Variants in CDH12 observed in about 807,000 individuals in gnomAD.
CDH12 encodes cadherin-12.
Under a neutral mutation model 74.1 loss-of-function variants are expected in CDH12, and 41 were observed. The observed-to-expected ratio is 0.55, with a 90% CI of 0.43 to 0.72. The LOEUF (loss-of-function observed/expected upper bound fraction) is 0.72. Among genes scored for constraint, CDH12 ranks in the 30% least tolerant of loss-of-function variants. The pLI is 0.00. For missense variants in CDH12, 945 were observed against 977.2 expected (o/e 0.97, Z 0.44); for synonymous variants, 399 against 355.0 (o/e 1.12, Z -1.39).
At chr5:22,451,927 T>C (rs1004860136) in intron 2 of CDH12, among the ~76,000 whole-genome samples, 1 of 151,918 alleles carries the variant, frequency 6.6e-6, no homozygotes, top group African/African-American at 2.4e-5. Context: ...TTTTTGAATA[T>C]TACCAGTGAA....
intron 1 of CDH12, among the ~76,000 whole-genome samples, chr5:22,608,875 CTGTGAGTCAA>C (rs556999536): frequency 9.8e-5 from 15 of 152,306 alleles, no homozygotes; most frequent in Middle Eastern, 3.4e-3. Flanking sequence ...CCACGTGGAA[CTGTGAGTCAA>C]TTAAATCTCT....
chr5:21,847,104 G>GA (rs1405523921), intron 7 of CDH12, among the ~76,000 whole-genome samples: 4 of 152,048 alleles, frequency 2.6e-5, no homozygotes, highest in Admixed American at 2.6e-4. Context: ...AGTCATCACA[G>GA]AGTGTCCACA....
chr5:22,453,702 A>G (rs531283657), intron 2 of CDH12, among the ~76,000 whole-genome samples: 4 of 152,170 alleles, frequency 2.6e-5, no homozygotes, highest in Admixed American at 2.0e-4. Flanking sequence ...AATTTACTGC[A>G]TATTTCAAAA....
At chr5:22,698,722 T>G (rs1208859013) in intron 1 of CDH12, among the ~76,000 whole-genome samples, 5,012 of 18,388 alleles carry the variant, frequency 0.27, 844 homozygotes, top group Middle Eastern at 0.46. Flanking sequence ...TATATATATA[T>G]ATATATATAT....
chr5:22,339,945 T>A (rs1457114182), intron 3 of CDH12, among the ~76,000 whole-genome samples: 3 of 152,230 alleles, frequency 2.0e-5, no homozygotes, highest in Non-Finnish European at 4.4e-5. Flanking sequence ...TGCTAATATT[T>A]TCCATATATG....
At chr5:22,213,918 TGC>T (rs559366561) in intron 3 of CDH12, among the ~76,000 whole-genome samples, 10 of 152,094 alleles carry the variant, frequency 6.6e-5, no homozygotes, top group African/African-American at 2.4e-4. Flanking sequence ...GATGTGTGTG[TGC>T]GTGTGTGTGT....
At chr5:22,050,817 C>T (rs1229518875) in intron 5 of CDH12, among the ~76,000 whole-genome samples, 2 of 152,122 alleles carry the variant, frequency 1.3e-5, no homozygotes, top group African/African-American at 2.4e-5. Flanking sequence ...GGTGAGAGTT[C>T]AACCATGATA....
intron 1 of CDH12, among the ~76,000 whole-genome samples, chr5:22,773,415 T>C (rs1473823247): frequency 6.6e-6 from 1 of 152,080 alleles, no homozygotes; most frequent in East Asian, 1.9e-4. Flanking sequence ...AAAAACTCTA[T>C]TCAATAGATG....
intron 2 of CDH12, among the ~76,000 whole-genome samples, chr5:22,490,442 G>T (rs751383075): frequency 7.9e-5 from 12 of 151,822 alleles, no homozygotes; most frequent in Admixed American, 2.6e-4. Flanking sequence ...AATCAAACCA[G>T]GAAATACCTG....
At chr5:22,503,382 G>C (rs1428467314) in intron 2 of CDH12, among the ~76,000 whole-genome samples, 1 of 152,016 alleles carries the variant, frequency 6.6e-6, no homozygotes, top group Admixed American at 6.6e-5. Context: ...ATTGATAAAA[G>C]AAAACTGTCT....
intron 5 of CDH12, among the ~76,000 whole-genome samples, chr5:21,981,466 G>A (rs1248243929): frequency 6.6e-6 from 1 of 151,904 alleles, no homozygotes; most frequent in African/African-American, 2.4e-5. Flanking sequence ...GTAGGTTGTA[G>A]ATACAAATAA....
At chr5:22,565,224 A>T (rs926529509) in intron 1 of CDH12, among the ~76,000 whole-genome samples, 2 of 152,072 alleles carry the variant, frequency 1.3e-5, no homozygotes, top group African/African-American at 4.8e-5. Flanking sequence ...ATGAGCTACC[A>T]CGCCTGGCTT....
At chr5:21,910,384 A>G (rs769262601) in intron 6 of CDH12, among the ~76,000 whole-genome samples, 1 of 152,092 alleles carries the variant, frequency 6.6e-6, no homozygotes, top group Non-Finnish European at 1.5e-5. Flanking sequence ...GTGGTGCCTC[A>G]TTTCTTAGAC....
Position 22,078,612 on chromosome 5 carries a change from G to T in CDH12, c.65C>A (p.Pro22Gln). The T allele has an allele frequency of 6.2e-7, 1 of 1,613,874 alleles. No homozygotes were observed. The highest frequency in any genetic ancestry group is 8.5e-7 in the Non-Finnish European group (1 of 1,179,846). Reference protein sequence around the residue: ...WVLFDGGLLTPLQPQPQQTLA... With the variant: ...WVLFDGGLLTQLQPQPQQTLA... Reference sequence around the variant, plus strand: ...AGTCTGCTGTGGCTGTGGTTGTAGTGGTGTTAGGAGACCTCCATCAAACAG... The same window carrying T: ...AGTCTGCTGTGGCTGTGGTTGTAGTTGTGTTAGGAGACCTCCATCAAACAG... Residue 22 changes from proline (P) to glutamine (Q), a missense_variant, in exon 5 of 15, where the codon CCA (proline) becomes CAA (glutamine). Physicochemically the swap from Pro to Gln is moderately conservative, Grantham distance 76. This residue lies in a region of CDH12 where 148 missense variants were observed against 162.8 expected (regional missense o/e 0.91). Transcript: ENST00000382254.
chr5:21,884,194 T>C, intron 6 of CDH12: 1 of 1,585,188 alleles, frequency 6.3e-7, no homozygotes, highest in South Asian at 1.1e-5. Context: ...GCTGCTGGTG[T>C]GGCCTCTCTG....
intron 3 of CDH12, among the ~76,000 whole-genome samples, chr5:22,361,714 A>T (rs113314603): frequency 0.011 from 1,692 of 152,312 alleles, 24 homozygotes; most frequent in African/African-American, 0.039. Context: ...ACAGCATGGT[A>T]CTGGTATGAA....
At chr5:22,806,189 G>A (rs1213574262) in intron 1 of CDH12, among the ~76,000 whole-genome samples, 1 of 152,018 alleles carries the variant, frequency 6.6e-6, no homozygotes, top group African/African-American at 2.4e-5. Context: ...TGGGATTGCT[G>A]GGTCAAATGG....
rs1229134274 is a variant in CDH12 at position 22,283,205 on chromosome 5, G to GATAT, written c.-332-70566_-332-70563dup. Among the ~76,000 whole-genome samples the GATAT allele has an allele frequency of 1.1e-3, 115 of 107,878 alleles. 2 individuals carry two copies. Among genetic ancestry groups the GATAT allele is most frequent in the African/African-American group, 3.4e-3 (96 of 28,074 alleles). 70.8% of individuals were successfully genotyped at this position (107,878 alleles called of 152,430 possible). A position where few individuals can be genotyped will look rare whatever the true frequency, so the allele number is the denominator to read the frequency against. On this transcript the variant is annotated intron_variant, in intron 3 of 14. Transcript: ENST00000382254. ...ATAATTCCTGGAGGAACATCTGTGA[G>GATAT]ATATATATATAGATATATATATATA... is the stretch of plus-strand genomic sequence containing the variant.
At chr5:22,360,472 G>A (rs936407657) in intron 3 of CDH12, among the ~76,000 whole-genome samples, 4 of 152,240 alleles carry the variant, frequency 2.6e-5, no homozygotes, top group South Asian at 2.1e-4. Context: ...AGGAACAGAC[G>A]GATTCACAGC....
Sources: allele counts gnomAD v4.1 joint callset (sites outside exome capture counted in the v4.1 genomes callset), GRCh38; gene constraint gnomAD v4.1.1; regional missense constraint gnomAD v4.1.1; transcripts MANE v1.5; gene names NCBI Gene and HGNC (gene_info 2026-07-23, HGNC 2026-07-21).